Variants in LAMA2 observed in about 807,000 individuals in gnomAD.
LAMA2 encodes the protein laminin subunit alpha 2.
Under a neutral mutation model 364.8 loss-of-function variants are expected in LAMA2, and 269 were observed. The ratio of observed to expected loss-of-function variants is 0.74; its 90% confidence interval spans 0.67 to 0.82. The LOEUF is 0.82. Among genes scored for constraint, LAMA2 ranks in the 40% least tolerant of loss-of-function variants. LAMA2 has a pLI of 0.00. For missense variants in LAMA2, 3,807 were observed against 3,873.2 expected (o/e 0.98, Z 0.45); for synonymous variants, 1,379 against 1,370.6 (o/e 1.01, Z -0.14).
chr6:128,948,440 C>T (rs1780611237), intron 1 of LAMA2, among the ~76,000 whole-genome samples: 1 of 152,088 alleles, frequency 6.6e-6, no homozygotes, highest in Admixed American at 6.6e-5. Flanking sequence ...TACCTGTTTC[C>T]ATCCAAGACT....
intron 3 of LAMA2, among the ~76,000 whole-genome samples, chr6:129,076,433 TA>T (rs1362848740): frequency 1.4e-5 from 2 of 144,332 alleles, no homozygotes; most frequent in African/African-American, 2.5e-5. Context: ...TATATATATA[TA>T]AATATATATA....
At chr6:129,113,917 A>G (rs963166195) in intron 4 of LAMA2, among the ~76,000 whole-genome samples, 3 of 151,998 alleles carry the variant, frequency 2.0e-5, no homozygotes, top group Non-Finnish European at 2.9e-5. Context: ...TTTTATCCCT[A>G]TCAGTGGAAA....
At chr6:129,448,310 G>A (rs1283933134) in intron 45 of LAMA2, among the ~76,000 whole-genome samples, 2 of 151,958 alleles carry the variant, frequency 1.3e-5, no homozygotes, top group East Asian at 1.9e-4. Flanking sequence ...AAGAAAAAAA[G>A]AAAGGTACAA....
chr6:129,261,166 T>G (rs1217671774), intron 15 of LAMA2, among the ~76,000 whole-genome samples: 1 of 152,022 alleles, frequency 6.6e-6, no homozygotes, highest in Non-Finnish European at 1.5e-5. Flanking sequence ...TATCCAAAAT[T>G]TAGCACTCTA....
At chr6:129,324,446 C>T (rs1274820483) in intron 28 of LAMA2, among the ~76,000 whole-genome samples, 4 of 152,204 alleles carry the variant, frequency 2.6e-5, no homozygotes, top group Non-Finnish European at 2.9e-5. Context: ...CACACACCTA[C>T]ACAGCAATTC....
chr6:129,079,528 C>T (rs1255500430), intron 3 of LAMA2, among the ~76,000 whole-genome samples: 2 of 151,282 alleles, frequency 1.3e-5, no homozygotes, highest in African/African-American at 2.4e-5. Flanking sequence ...AATTTCTCCA[C>T]ACCCTTGCCA....
chr6:129,097,828 A>G (rs1401002771), intron 3 of LAMA2, among the ~76,000 whole-genome samples: 1 of 152,224 alleles, frequency 6.6e-6, no homozygotes, highest in African/African-American at 2.4e-5. Context: ...ACAGTCTTTA[A>G]CACAGTAAGG....
chr6:129,224,064 C>T (rs1011115602), intron 12 of LAMA2, among the ~76,000 whole-genome samples: 1 of 152,080 alleles, frequency 6.6e-6, no homozygotes, highest in Non-Finnish European at 1.5e-5. Flanking sequence ...CCTTCACATC[C>T]CTTGTAAGTT....
intron 34 of LAMA2, among the ~76,000 whole-genome samples, chr6:129,374,969 A>G (rs1475422313): frequency 6.6e-6 from 1 of 150,962 alleles, no homozygotes; most frequent in East Asian, 1.9e-4. Context: ...TTAAGAGCAC[A>G]TGTCAAGGTT....
intron 56 of LAMA2, among the ~76,000 whole-genome samples, chr6:129,489,334 C>T (rs759697731): frequency 6.7e-6 from 1 of 149,846 alleles, no homozygotes; most frequent in Non-Finnish European, 1.5e-5. Context: ...CTCTTTACTC[C>T]TCCTCCCTCA....
intron 1 of LAMA2, among the ~76,000 whole-genome samples, chr6:128,968,003 T>C (rs2114610560): frequency 6.6e-6 from 1 of 152,230 alleles, no homozygotes. Context: ...CCAATTTTGC[T>C]CTCTAAAAAT....
At chr6:129,155,049 C>A (rs1274361688) in intron 8 of LAMA2, among the ~76,000 whole-genome samples, 1 of 152,112 alleles carries the variant, frequency 6.6e-6, no homozygotes, top group Non-Finnish European at 1.5e-5. Context: ...TAAGATTTAT[C>A]CATGTTGTTT....
At chr6:129,335,356 G>GTAGGTAGATAGATAGATAGA (rs763964423) in intron 29 of LAMA2, among the ~76,000 whole-genome samples, 3 of 148,366 alleles carry the variant, frequency 2.0e-5, no homozygotes, top group Admixed American at 1.4e-4. Context: ...TAGTAAGTAG[G>GTAGGTAGATAGATAGATAGA]TAGATAGATA....
chr6:128,909,158 G>A (rs1041827725), intron 1 of LAMA2, among the ~76,000 whole-genome samples: 2 of 151,784 alleles, frequency 1.3e-5, no homozygotes, highest in African/African-American at 4.9e-5. Context: ...AGGTCCGCTT[G>A]GTGCAGAGCT....
rs756976076 is a variant in LAMA2 at position 129,438,676 on chromosome 6, C to A, written c.5999C>A (p.Thr2000Asn). Residue 2000 changes from threonine to asparagine, a missense_variant, in exon 42 of 65, where the codon ACC (threonine) becomes AAC (asparagine). Around this residue, in one of 3 missense-constraint regions of LAMA2, gnomAD observed 3,333 missense variants for 3,345.7 expected, o/e 1.00. Coordinates refer to ENST00000421865, the MANE Select transcript of LAMA2 (RefSeq NM_000426.4). ...GAAGACCATCTAAATGGCTTAAAAA[C>A]CAGGATAGAAAATGCTGATGCTAGA... is the stretch of plus-strand genomic sequence containing the variant. ...ENEDHLNGLKTRIENADARNG... is the reference protein window; with the variant it reads ...ENEDHLNGLKNRIENADARNG... The A allele has an allele frequency of 1.7e-5, 28 of 1,606,472 alleles. No individual in the cohort carries two copies. The South Asian group carries it at 2.1e-4, about 12-fold the overall frequency.
chr6:129,108,245 A>T (rs1265594165), intron 4 of LAMA2, among the ~76,000 whole-genome samples: 1 of 151,786 alleles, frequency 6.6e-6, no homozygotes, highest in Admixed American at 6.6e-5. Flanking sequence ...ATGTATATTT[A>T]TATTTCTTTT....
rs559020144 is a variant in LAMA2, at chr6:129,214,629, A to G, written c.1782+21776A>G. ...ATTTCTGGGCTGGCTATTCTGTTCC[A>G]TTGATCTAAGTGACTTTTTTCTGAC... is the stretch of plus-strand genomic sequence containing the variant. On this transcript the variant is annotated intron_variant, in intron 12 of 64. Coordinates refer to ENST00000421865, the MANE Select transcript of LAMA2 (RefSeq NM_000426.4). Among the ~76,000 whole-genome samples, 6 of 152,268 alleles carry G rather than the reference A, an allele frequency of 3.9e-5. No homozygotes were observed. The East Asian group carries it at 5.8e-4, about 15-fold the overall frequency.
chr6:129,190,191 C>G lies in LAMA2; in HGVS notation c.1468-14C>G, dbSNP rs1226656904. 1 of 1,612,736 alleles carries G rather than the reference C, an allele frequency of 6.2e-7. No individual in the cohort carries two copies. ...AAGGATACCTCTGTTGCTGATACAT[C>G]TCTTTATTTGCAGGAAAATGTTGAA... On this transcript the variant is annotated splice_polypyrimidine_tract_variant and intron_variant, in intron 10 of 64. Coordinates refer to ENST00000421865, the MANE Select transcript of LAMA2 (RefSeq NM_000426.4).
rs2501463 is a variant in LAMA2 at position 129,312,836 on chromosome 6, G to A, written c.3175-25G>A. 6.2e-4 allele frequency: 927 copies of A among 1,497,514 alleles called. 1 individual carries two copies. The African/African-American group carries it at 0.011, about 17-fold the overall frequency. The allele number at this position is 1,497,514 out of a possible 1,614,324, so 92.8% of individuals were successfully genotyped here. A position where few individuals can be genotyped will look rare whatever the true frequency, so the allele number is the denominator to read the frequency against. ...TATTTCCCATAAAGTTGTGTTAATG[G>A]TTGCTGTTTTTATCTCCTCTATAGG... On this transcript the variant is annotated intron_variant, in intron 22 of 64. Coordinates refer to ENST00000421865, the MANE Select transcript of LAMA2 (RefSeq NM_000426.4).
Sources: gnomAD v4.1 joint callset for allele counts (sites outside exome capture counted in the v4.1 genomes callset) on GRCh38, gnomAD v4.1.1 for gene constraint, gnomAD v4.1.1 regional missense constraint, MANE v1.5 for transcripts, NCBI Gene and HGNC (gene_info 2026-07-23, HGNC 2026-07-21) for gene names.